Variants in PTPRN2 observed in about 807,000 individuals in gnomAD.
PTPRN2 encodes the protein receptor-type tyrosine-protein phosphatase N2.
A neutral mutation model predicts 118.8 loss-of-function variants in PTPRN2; 74 were observed. The observed-to-expected ratio is 0.62, with a 90% CI of 0.52 to 0.76. The LOEUF (loss-of-function observed/expected upper bound fraction) is 0.76. Among genes scored for constraint, PTPRN2 ranks in the 30% least tolerant of loss-of-function variants. PTPRN2 has a pLI of 0.00. For synonymous variants in PTPRN2, 641 were observed against 608.0 expected (o/e 1.05, Z -0.80); for missense variants, 1,481 against 1,394.4 (o/e 1.06, Z -0.99).
At chr7:158,217,755 ACTT>A (rs1313334028) in intron 3 of PTPRN2, among the ~76,000 whole-genome samples, 3 of 152,190 alleles carry the variant, frequency 2.0e-5, no homozygotes, top group African/African-American at 7.2e-5. Flanking sequence ...ACCAAACTGA[ACTT>A]CTGAAATTTA....
At position 157,780,690 on chromosome 7, in the gene PTPRN2, G is replaced by T. The variant is rs564368304; in HGVS notation, c.1789-97753C>A. On this transcript the variant is annotated intron_variant, in intron 12 of 22. Transcript: ENST00000389418. This position sits in a 1 kb window ranked among gnomAD's most constrained non-coding sequence, Gnocchi z 4.5. Reference sequence around the variant, plus strand: ...CACCCATTTCGCAGGGTGGTCACGGGTATTCCCTATGTTGGAATGCATGAT... The same window carrying T: ...CACCCATTTCGCAGGGTGGTCACGGTTATTCCCTATGTTGGAATGCATGAT... Among the ~76,000 whole-genome samples the T allele has an allele frequency of 3.2e-4, 49 of 152,308 alleles. No homozygotes were observed. The highest frequency in any genetic ancestry group is 6.3e-4 in the Non-Finnish European group (43 of 68,034).
chr7:157,738,028 G>A (rs908455856), intron 12 of PTPRN2, among the ~76,000 whole-genome samples: 4 of 152,206 alleles, frequency 2.6e-5, no homozygotes, highest in African/African-American at 9.6e-5. Context: ...GCCCCAAAGG[G>A]CCTCACTGTT....
At chr7:158,335,281 C>T (rs2151186305) in intron 2 of PTPRN2, among the ~76,000 whole-genome samples, 1 of 17,556 alleles carries the variant, frequency 5.7e-5, no homozygotes, top group African/African-American at 1.5e-4. Flanking sequence ...CACACCCACA[C>T]TGTCACCATA....
At chr7:158,205,118 G>C in intron 4 of PTPRN2, 53 bp downstream of exon 4, 1 of 1,362,396 alleles carries the variant, frequency 7.3e-7, no homozygotes, top group Non-Finnish European at 1.1e-6. Flanking sequence ...TAAGTGTAAT[G>C]GCTATGGACT....
intron 17 of PTPRN2, among the ~76,000 whole-genome samples, chr7:157,582,829 G>A (rs1281694388): frequency 4.0e-5 from 6 of 151,480 alleles, no homozygotes; most frequent in East Asian, 3.9e-4. Context: ...AGCCGAGACC[G>A]TGTCATTGCA....
chr7:157,815,155 G>A (rs1048213365), intron 12 of PTPRN2, among the ~76,000 whole-genome samples: 16 of 152,346 alleles, frequency 1.1e-4, no homozygotes, highest in African/African-American at 3.1e-4. Flanking sequence ...AAGATTCTGC[G>A]CCCTTCAGCC....
rs372866493 is a variant in PTPRN2 at position 158,089,728 on chromosome 7, A to G, written c.1644-8351T>C. The stretch of plus-strand genomic sequence containing the variant: ...TCACACACATCCTTCCTCCCCTGAC[A>G]AAAGAGGGGGTCTTCACACAAACCT... On this transcript the variant is annotated intron_variant, in intron 10 of 22. Coordinates refer to ENST00000389418, the MANE Select transcript of PTPRN2 (RefSeq NM_002847.5). Among the ~76,000 whole-genome samples, 110 of 111,980 alleles carry G rather than the reference A, an allele frequency of 9.8e-4. 2 individuals carry two copies. Among genetic ancestry groups the G allele is most frequent in the Middle Eastern group, 5.4e-3 (1 of 186 alleles). 73.5% of individuals were successfully genotyped at this position (111,980 alleles called of 152,430 possible).
rs755135912 is a variant in PTPRN2 at position 157,682,791 on chromosome 7, G to A, written c.1935C>T (p.His645=). The change falls in exon 13 of 23, where the codon CAC becomes CAT. Residue 645 remains histidine, a synonymous_variant. Coordinates refer to ENST00000389418, the MANE Select transcript of PTPRN2 (RefSeq NM_002847.5). ...GTCCCGAGAGCTTCTCCTTCAGCCT[G>A]TGCTGAGAGCTATGGCGGAGGCAGT... ...LIYCLRHSSQ[H]RLKEKLSGLG... The A allele has an allele frequency of 9.3e-6, 15 of 1,614,018 alleles. No individual in the cohort carries two copies. Among genetic ancestry groups the A allele is most frequent in the Non-Finnish European group, 1.1e-5 (13 of 1,180,044 alleles).
intron 12 of PTPRN2, among the ~76,000 whole-genome samples, chr7:157,824,808 G>A (rs1376818996): frequency 6.6e-6 from 1 of 152,226 alleles, no homozygotes; most frequent in Admixed American, 6.5e-5. Context: ...ACTCCTCAGA[G>A]AAAGGGTGAC....
Position 158,517,160 on chromosome 7 carries a change from G to T in PTPRN2, c.113-27375C>A, listed in dbSNP as rs1309148869. Among the ~76,000 whole-genome samples the T allele has an allele frequency of 1.3e-5, 2 of 152,188 alleles. No individual in the cohort carries two copies. The highest frequency in any genetic ancestry group is 4.8e-5 in the African/African-American group (2 of 41,436). On this transcript the variant is annotated intron_variant, in intron 1 of 22. Coordinates refer to ENST00000389418, the MANE Select transcript of PTPRN2 (RefSeq NM_002847.5). This position sits in a 1 kb window ranked among gnomAD's most constrained non-coding sequence, Gnocchi z 5.3. ...AACAGTACAACGCTGGTTCCACAGTGTGGTCCTCACTGAAGACAGGGCGGG... is the reference window on the plus strand; with the variant it reads ...AACAGTACAACGCTGGTTCCACAGTTTGGTCCTCACTGAAGACAGGGCGGG...
At chr7:157,932,856 CTGATTGA>C (rs1371479882) in intron 11 of PTPRN2, among the ~76,000 whole-genome samples, 1 of 148,468 alleles carries the variant, frequency 6.7e-6, no homozygotes, top group Non-Finnish European at 1.5e-5. Flanking sequence ...GTGAGTCATT[CTGATTGA>C]CAGTTTTAGA....
chr7:157,751,527 C>T (rs1177845394), intron 12 of PTPRN2, among the ~76,000 whole-genome samples: 1 of 152,116 alleles, frequency 6.6e-6, no homozygotes, highest in Non-Finnish European at 1.5e-5. Context: ...TGCGCTCGCT[C>T]GGGAGGTGTC....
intron 2 of PTPRN2, among the ~76,000 whole-genome samples, chr7:158,350,440 C>G (rs1224008394): frequency 6.6e-6 from 1 of 152,270 alleles, no homozygotes; most frequent in Non-Finnish European, 1.5e-5. Flanking sequence ...TCAGAAGATG[C>G]TGACTGCGGG....
At chr7:157,816,874 T>C (rs1282894412) in intron 12 of PTPRN2, among the ~76,000 whole-genome samples, 3 of 152,212 alleles carry the variant, frequency 2.0e-5, no homozygotes, top group Non-Finnish European at 4.4e-5. Context: ...TCTCCTCCTC[T>C]TTTCTCTTTA....
chr7:158,378,396 T>C (rs990600300), intron 2 of PTPRN2, among the ~76,000 whole-genome samples: 4 of 152,076 alleles, frequency 2.6e-5, no homozygotes, highest in African/African-American at 9.7e-5. Flanking sequence ...GGACTTAAGC[T>C]CCTTTTCCAC....
At chr7:158,149,519 C>T (rs1477647586) in intron 6 of PTPRN2, among the ~76,000 whole-genome samples, 1 of 151,968 alleles carries the variant, frequency 6.6e-6, no homozygotes, top group East Asian at 1.9e-4. Flanking sequence ...AAAAGATAAG[C>T]CCGGCTGGGC....
intron 10 of PTPRN2, 35 bp downstream of exon 10, chr7:158,110,793 AG>A: frequency 1.9e-6 from 3 of 1,541,096 alleles, no homozygotes; most frequent in Middle Eastern, 1.7e-4. Flanking sequence ...ACCAAGCAAC[AG>A]GAGCCAAACA....
At chr7:158,337,536 G>T (rs113226706) in intron 2 of PTPRN2, among the ~76,000 whole-genome samples, 8 of 81,378 alleles carry the variant, frequency 9.8e-5, no homozygotes, top group African/African-American at 4.1e-4. Flanking sequence ...GGTGACACCT[G>T]CAGACGTCAT....
chr7:158,065,048 T>C (rs1810651367), intron 11 of PTPRN2, among the ~76,000 whole-genome samples: 1 of 152,210 alleles, frequency 6.6e-6, no homozygotes, highest in Non-Finnish European at 1.5e-5. Flanking sequence ...ATCTGGTAAT[T>C]GACTGTAATC....
Sources: gnomAD v4.1 joint callset for allele counts (sites outside exome capture counted in the v4.1 genomes callset) on GRCh38, gnomAD v4.1.1 for gene constraint, Gnocchi (gnomAD v3.1) non-coding constraint, MANE v1.5 for transcripts, NCBI Gene and HGNC (gene_info 2026-07-23, HGNC 2026-07-21) for gene names.